Variants in LRMDA observed in about 807,000 individuals in gnomAD.
The protein encoded by LRMDA is leucine-rich melanocyte differentiation-associated protein.
Under a neutral mutation model 29.8 loss-of-function variants are expected in LRMDA, and 18 were observed. The ratio of observed to expected loss-of-function variants is 0.60; its 90% CI spans 0.42 to 0.90. LRMDA has a LOEUF of 0.90. Among genes scored for constraint, LRMDA ranks in the 40% least tolerant of loss-of-function variants. The probability of loss-of-function intolerance (pLI) is 0.00; values close to 1 mark genes in which losing one functional copy is unlikely to be tolerated. For synonymous variants in LRMDA, 125 were observed against 109.4 expected (o/e 1.14, Z -0.89); for missense variants, 273 against 273.9 (o/e 1.00, Z 0.02).
intron 5 of LRMDA, among the ~76,000 whole-genome samples, chr10:76,160,375 C>T (rs1007735091): frequency 7.2e-5 from 11 of 151,976 alleles, no homozygotes; most frequent in African/African-American, 2.7e-4. Context: ...AAATCTGACA[C>T]TGACTGGATA....
chr10:76,341,001 A>G (rs1046118831), intron 6 of LRMDA, among the ~76,000 whole-genome samples: 2 of 152,256 alleles, frequency 1.3e-5, no homozygotes, highest in East Asian at 3.8e-4. Context: ...TGCTTAATTC[A>G]TGTATTTTAA....
chr10:75,764,927 A>ATGTGTGTG (rs1843143535), intron 2 of LRMDA, among the ~76,000 whole-genome samples: 1 of 129,352 alleles, frequency 7.7e-6, no homozygotes, highest in Non-Finnish European at 1.6e-5. Context: ...TGCAAGAGAC[A>ATGTGTGTG]CGTGTGTGTG....
intron 6 of LRMDA, among the ~76,000 whole-genome samples, chr10:76,477,038 A>T (rs2132322592): frequency 6.6e-6 from 1 of 152,282 alleles, no homozygotes; most frequent in South Asian, 2.1e-4. Flanking sequence ...ATAGTGTTGG[A>T]AGTTCTGGCC....
intron 2 of LRMDA, among the ~76,000 whole-genome samples, chr10:75,692,564 C>T (rs1340871236): frequency 7.1e-6 from 1 of 140,180 alleles, no homozygotes; most frequent in Non-Finnish European, 1.6e-5. Context: ...CATATGTATA[C>T]GTGTGTGTGT....
intron 6 of LRMDA, among the ~76,000 whole-genome samples, chr10:76,534,178 A>G (rs1334835670): frequency 6.6e-6 from 1 of 152,230 alleles, no homozygotes; most frequent in Non-Finnish European, 1.5e-5. Flanking sequence ...ATTAAGGAAG[A>G]ATGTGAAAAA....
At chr10:76,006,245 G>A (rs1847653683) in intron 2 of LRMDA, among the ~76,000 whole-genome samples, 1 of 152,188 alleles carries the variant, frequency 6.6e-6, no homozygotes, top group African/African-American at 2.4e-5. Flanking sequence ...AGACCCAAGA[G>A]CCCTGGAGCT....
intron 5 of LRMDA, among the ~76,000 whole-genome samples, chr10:76,174,950 A>G (rs1413951647): frequency 6.6e-6 from 1 of 152,106 alleles, no homozygotes; most frequent in Admixed American, 6.6e-5. Flanking sequence ...GGGAAACCCA[A>G]TCTCTACTAA....
chr10:75,912,437 A>G (rs1845857751), intron 2 of LRMDA, among the ~76,000 whole-genome samples: 1 of 152,154 alleles, frequency 6.6e-6, no homozygotes, highest in Admixed American at 6.5e-5. Flanking sequence ...GTTGCATCTG[A>G]ATTAGAATTG....
At chr10:76,243,179 A>G (rs539813627) in intron 5 of LRMDA, among the ~76,000 whole-genome samples, 77 of 152,278 alleles carry the variant, frequency 5.1e-4, no homozygotes, top group African/African-American at 1.8e-3. Flanking sequence ...CTGTTTATTT[A>G]TCAATTCTTA....
chr10:76,011,486 G>T (rs149284866), intron 2 of LRMDA, among the ~76,000 whole-genome samples: 365 of 152,272 alleles, frequency 2.4e-3, no homozygotes, highest in African/African-American at 8.5e-3. Flanking sequence ...GACCATGAGC[G>T]AGTGGGCCAC....
intron 6 of LRMDA, among the ~76,000 whole-genome samples, chr10:76,350,165 A>G (rs1163720323): frequency 7.3e-6 from 1 of 137,584 alleles, no homozygotes; most frequent in Non-Finnish European, 1.7e-5. Flanking sequence ...GTGGAGGCAA[A>G]AAACAAAAAA....
chr10:76,478,453 T>G (rs961906558), intron 6 of LRMDA, among the ~76,000 whole-genome samples: 4 of 152,196 alleles, frequency 2.6e-5, no homozygotes, highest in Non-Finnish European at 4.4e-5. Context: ...TTGATGGGAC[T>G]GTAAACTAGT....
At chr10:76,326,172 A>G (rs1840831499) in intron 6 of LRMDA, among the ~76,000 whole-genome samples, 1 of 152,204 alleles carries the variant, frequency 6.6e-6, no homozygotes. Context: ...TGATGGCCAT[A>G]AGGAGACCAA....
At chr10:76,154,988 C>G (rs1300436317) in intron 5 of LRMDA, among the ~76,000 whole-genome samples, 2 of 152,160 alleles carry the variant, frequency 1.3e-5, no homozygotes, top group Admixed American at 1.3e-4. Context: ...CATTTCGGCT[C>G]TCATTCCCTT....
At chr10:75,894,647 A>G (rs1564599595) in intron 2 of LRMDA, among the ~76,000 whole-genome samples, 1 of 152,142 alleles carries the variant, frequency 6.6e-6, no homozygotes, top group Non-Finnish European at 1.5e-5. Context: ...GGGTGCATGT[A>G]TGGAGATGGG....
chr10:76,352,589 T>C (rs1442425119), intron 6 of LRMDA, among the ~76,000 whole-genome samples: 4 of 152,102 alleles, frequency 2.6e-5, no homozygotes, highest in African/African-American at 9.7e-5. Context: ...TTCAAACTTA[T>C]GGATTGTTGA....
At chr10:76,421,170 A>G (rs893276461) in intron 6 of LRMDA, among the ~76,000 whole-genome samples, 4 of 152,140 alleles carry the variant, frequency 2.6e-5, no homozygotes, top group African/African-American at 9.7e-5. Context: ...TTTGTCCCCT[A>G]TAGTTCTGTT....
At chr10:76,141,090 C>T (rs1850190321) in intron 5 of LRMDA, among the ~76,000 whole-genome samples, 1 of 152,042 alleles carries the variant, frequency 6.6e-6, no homozygotes, top group Non-Finnish European at 1.5e-5. Flanking sequence ...TGCACACCAG[C>T]ACATTATTAA....
chr10:75,915,120 CTTTTTTTTTTTTTTTTT>C lies in LRMDA; in HGVS notation c.132-120875_132-120859del, dbSNP rs71024579. On this transcript the variant is annotated intron_variant, in intron 2 of 6. Coordinates refer to ENST00000611255, the MANE Select transcript of LRMDA (RefSeq NM_001305581.2). ...CTTAGAAATTCTCATGTCTAACCTT[CTTTTTTTTTTTTTTTTT>C]TTTTTTTTTTTTGAGACAGAGTATT... Among the ~76,000 whole-genome samples, 6 of 75,242 alleles carry C rather than the reference CTTTTTTTTTTTTTTTTT, an allele frequency of 8.0e-5. No individual in the cohort carries two copies. In the South Asian group the frequency reaches 2.9e-3, roughly 36 times the overall value. The allele number at this position is 75,242 out of a possible 152,430, so 49.4% of individuals were successfully genotyped here.
Sources: allele counts gnomAD v4.1 joint callset (sites outside exome capture counted in the v4.1 genomes callset), GRCh38; gene constraint gnomAD v4.1.1; transcripts MANE v1.5; gene names NCBI Gene and HGNC (gene_info 2026-07-23, HGNC 2026-07-21).